Variants in NRXN1 observed in about 807,000 individuals in gnomAD.
The protein encoded by NRXN1 is neurexin-1.
NRXN1 carries 39 observed loss-of-function variants against 150.9 expected under a neutral mutation model. The ratio of observed to expected loss-of-function variants is 0.26; its 90% CI spans 0.20 to 0.34. The LOEUF (loss-of-function observed/expected upper bound fraction) is 0.34, where lower values mean the gene tolerates loss of function less well. Ranked by LOEUF, NRXN1 falls within the 10% of genes least tolerant of loss-of-function variation. The pLI is 1.00. For synonymous variants in NRXN1, 924 were observed against 757.0 expected (o/e 1.22, Z -3.62); for missense variants, 1,815 against 1,949.9 (o/e 0.93, Z 1.30).
At chr2:50,288,656 A>G (rs763810270) in intron 17 of NRXN1, among the ~76,000 whole-genome samples, 4 of 152,144 alleles carry the variant, frequency 2.6e-5, no homozygotes, top group Non-Finnish European at 4.4e-5. Context: ...GAGAACATGC[A>G]GGGAACTCCC....
At chr2:50,036,236 G>C (rs1432863587) in intron 21 of NRXN1, among the ~76,000 whole-genome samples, 8 of 152,104 alleles carry the variant, frequency 5.3e-5, no homozygotes, top group Non-Finnish European at 1.2e-4. Context: ...GTTCTCACAA[G>C]ATATGATGGT....
chr2:50,698,731 C>T (rs1199264669), intron 5 of NRXN1, among the ~76,000 whole-genome samples: 1 of 152,100 alleles, frequency 6.6e-6, no homozygotes, highest in African/African-American at 2.4e-5. Context: ...CTCCATTATT[C>T]CCTAGAAAAC....
At chr2:50,983,410 A>G (rs762653283) in intron 2 of NRXN1, among the ~76,000 whole-genome samples, 10 of 152,088 alleles carry the variant, frequency 6.6e-5, no homozygotes, top group Non-Finnish European at 1.5e-4. Flanking sequence ...TGGACACCAG[A>G]ATCAATATTT....
intron 5 of NRXN1, among the ~76,000 whole-genome samples, chr2:50,736,150 TTTCCATTCTCCC>T (rs1227805263): frequency 1.3e-5 from 2 of 152,212 alleles, no homozygotes; most frequent in African/African-American, 4.8e-5. Flanking sequence ...TGGAACTTCA[TTTCCATTCTCCC>T]AGCTCCATTC....
intron 2 of NRXN1, among the ~76,000 whole-genome samples, chr2:50,977,208 C>T (rs1351333640): frequency 6.6e-6 from 1 of 151,740 alleles, no homozygotes; most frequent in African/African-American, 2.4e-5. Flanking sequence ...AAATTTAGAG[C>T]ACATTCATTA....
chr2:50,654,431 G>A (rs1218721032), intron 5 of NRXN1, among the ~76,000 whole-genome samples: 2 of 151,856 alleles, frequency 1.3e-5, no homozygotes, highest in East Asian at 2.0e-4. Context: ...GTCTATCATT[G>A]TTGGACATTT....
intron 21 of NRXN1, among the ~76,000 whole-genome samples, chr2:49,996,872 T>C (rs1398900325): frequency 1.3e-5 from 2 of 152,224 alleles, no homozygotes; most frequent in African/African-American, 4.8e-5. Context: ...AGGACACAGA[T>C]ATAGAGTGGA....
rs80094872 is a variant in NRXN1, at chr2:50,236,927, C to G, written c.3408G>C (p.Thr1136=). The part of the protein sequence containing the change: ...YIFSKGGGQI[T]YKWPPNDRPS... ...GTCGGTCATTAGGAGGCCACTTATA[C>G]GTGATTTGTCCACCACCTTTGCTAA... Residue 1136 remains threonine, a synonymous_variant, in exon 18 of 23, where the codon ACG becomes ACC. Transcript: ENST00000401669. The G allele has an allele frequency of 1.2e-6, 2 of 1,613,328 alleles. No individual in the cohort carries two copies. The highest frequency in any genetic ancestry group is 2.2e-5 in the East Asian group (1 of 44,754).
intron 8 of NRXN1, among the ~76,000 whole-genome samples, chr2:50,593,095 G>C (rs1674557057): frequency 6.6e-6 from 1 of 152,220 alleles, no homozygotes; most frequent in African/African-American, 2.4e-5. Flanking sequence ...AATTCTCCCA[G>C]ATCAGAGTCT....
At chr2:50,405,388 G>A (rs773828512) in intron 17 of NRXN1, among the ~76,000 whole-genome samples, 3 of 152,048 alleles carry the variant, frequency 2.0e-5, no homozygotes, top group Admixed American at 6.6e-5. Flanking sequence ...GCTAGGTTTG[G>A]CATAGAAACC....
intron 18 of NRXN1, among the ~76,000 whole-genome samples, chr2:50,210,895 A>G (rs1326479051): frequency 2.0e-5 from 3 of 151,694 alleles, no homozygotes; most frequent in African/African-American, 4.8e-5. Context: ...TCACATACAT[A>G]AGACTTGCAC....
chr2:50,697,046 C>T (rs1349350789), intron 5 of NRXN1, among the ~76,000 whole-genome samples: 6 of 152,118 alleles, frequency 3.9e-5, no homozygotes, highest in Admixed American at 2.0e-4. Flanking sequence ...CATACACAAA[C>T]GTCCTACTGT....
chr2:50,320,283 C>CATATATATATATATATAT (rs61282635), intron 17 of NRXN1, among the ~76,000 whole-genome samples: 1 of 43,040 alleles, frequency 2.3e-5, no homozygotes, highest in Non-Finnish European at 5.1e-5. Flanking sequence ...ATACCTCAAT[C>CATATATATATATATATAT]ATATATATAT....
Position 50,089,260 on chromosome 2 carries a change from A to G in NRXN1, c.3718+2063T>C, listed in dbSNP as rs116224477. Among the ~76,000 whole-genome samples the G allele has an allele frequency of 9.1e-3, 1,382 of 152,348 alleles. 28 individuals are homozygous for G. The highest frequency in any genetic ancestry group is 0.032 in the African/African-American group (1,326 of 41,582). ...AACACAAAACCATGCCTCAAGAGGCAAATGCCACACTGCAATAGTAACAGG... is the reference window on the plus strand; with the variant it reads ...AACACAAAACCATGCCTCAAGAGGCGAATGCCACACTGCAATAGTAACAGG... On this transcript the variant is annotated intron_variant, in intron 19 of 22. Coordinates refer to ENST00000401669, the MANE Select transcript of NRXN1 (RefSeq NM_001330078.2).
chr2:50,497,608 G>A lies in NRXN1; in HGVS notation c.2604C>T (p.His868=), dbSNP rs367854771. Residue 868 remains histidine (H), a synonymous_variant, in exon 14 of 23, where the codon CAC becomes CAT. Coordinates refer to ENST00000401669, the MANE Select transcript of NRXN1 (RefSeq NM_001330078.2). ...LSSVPSNFIG[H]LQSLTFNGMA... is the part of the protein sequence containing the mutation. Reference sequence around the variant, plus strand: ...TTCCATTAAATGTCAAGCTCTGCAGGTGTCCAATGAAGTTGGAGGGGACAG... The same window carrying A: ...TTCCATTAAATGTCAAGCTCTGCAGATGTCCAATGAAGTTGGAGGGGACAG... 1.9e-5 allele frequency: 30 copies of A among 1,613,896 alleles called. No homozygotes were observed. The highest frequency in any genetic ancestry group is 2.5e-5 in the Non-Finnish European group (30 of 1,179,856).
At chr2:50,694,849 G>C (rs1465174264) in intron 5 of NRXN1, among the ~76,000 whole-genome samples, 3 of 152,146 alleles carry the variant, frequency 2.0e-5, no homozygotes, top group East Asian at 1.9e-4. Context: ...TTTAGCAATA[G>C]TCTTTCCTTG....
At chr2:50,428,105 C>A (rs370575021) in intron 17 of NRXN1, among the ~76,000 whole-genome samples, 1 of 152,006 alleles carries the variant, frequency 6.6e-6, no homozygotes, top group African/African-American at 2.4e-5. Flanking sequence ...TCAAGAGAAG[C>A]GAGGATAAGA....
chr2:50,027,361 C>T (rs1021885293), intron 21 of NRXN1, among the ~76,000 whole-genome samples: 7 of 131,526 alleles, frequency 5.3e-5, no homozygotes, highest in Non-Finnish European at 9.6e-5. Flanking sequence ...TTCCTTCCTT[C>T]GTTGCTTCCT....
chr2:50,437,860 C>T (rs990826972), intron 17 of NRXN1, among the ~76,000 whole-genome samples: 1 of 152,080 alleles, frequency 6.6e-6, no homozygotes, highest in Non-Finnish European at 1.5e-5. Context: ...ACTGCTCAAA[C>T]CTATTAAAAT....
Sources: allele counts gnomAD v4.1 joint callset (sites outside exome capture counted in the v4.1 genomes callset), GRCh38; gene constraint gnomAD v4.1.1; transcripts MANE v1.5; gene names NCBI Gene and HGNC (gene_info 2026-07-23, HGNC 2026-07-21).